DNAAF9: variants seen among roughly 807,000 people sequenced by gnomAD.
DNAAF9 encodes dynein axonemal assembly factor 9, also known as shulin.
A neutral mutation model predicts 167.0 loss-of-function variants in DNAAF9; 90 were observed. The ratio of observed to expected loss-of-function variants is 0.54; its 90% confidence interval spans 0.45 to 0.64. The LOEUF (loss-of-function observed/expected upper bound fraction) is 0.64. Ranked by LOEUF, DNAAF9 falls within the 30% of genes least tolerant of loss-of-function variation. The probability of loss-of-function intolerance (pLI) is 0.00; values close to 1 mark genes in which losing one functional copy is unlikely to be tolerated. For synonymous variants in DNAAF9, 491 were observed against 508.8 expected (o/e 0.96, Z 0.47); for missense variants, 1,315 against 1,442.2 (o/e 0.91, Z 1.43).
chr20:3,320,936 G>C (rs1245226231), intron 16 of DNAAF9, among the ~76,000 whole-genome samples: 1 of 152,190 alleles, frequency 6.6e-6, no homozygotes, highest in Non-Finnish European at 1.5e-5. Flanking sequence ...ATCTTGGCTA[G>C]ATATGTACTA....
chr20:3,270,941 T>C (rs939458673), intron 29 of DNAAF9, among the ~76,000 whole-genome samples: 7 of 151,756 alleles, frequency 4.6e-5, no homozygotes, highest in African/African-American at 1.7e-4. Context: ...GCCTCTTGAG[T>C]AGCAGGAATT....
chr20:3,312,907 GA>G (rs1386946715), intron 20 of DNAAF9, among the ~76,000 whole-genome samples: 2 of 152,108 alleles, frequency 1.3e-5, no homozygotes, highest in African/African-American at 4.8e-5. Context: ...CAGCAACAAA[GA>G]AAGTTTAAAA....
chr20:3,297,124 A>G (rs1249471764), intron 22 of DNAAF9, among the ~76,000 whole-genome samples, 175 bp from the exon 23 acceptor site: 1 of 152,182 alleles, frequency 6.6e-6, no homozygotes, highest in Non-Finnish European at 1.5e-5. Context: ...CTGTATTTTT[A>G]AAAACCAGAA....
intron 8 of DNAAF9, among the ~76,000 whole-genome samples, chr20:3,346,063 G>A (rs996525328): frequency 6.6e-6 from 1 of 152,070 alleles, no homozygotes; most frequent in South Asian, 2.1e-4. Context: ...AACATATGAG[G>A]GAATGTTCAA....
rs180981636 is a variant in DNAAF9, at chr20:3,399,822, C to T, written c.83+7653G>A. ...GGTTCCCTGATGACTCTAACAGGAC[C>T]GGCCTGCCTTCCTCCAACAGACATC... is the stretch of plus-strand genomic sequence containing the variant. On this transcript the variant is annotated intron_variant, in intron 1 of 36. Coordinates refer to ENST00000252032, the MANE Select transcript of DNAAF9 (RefSeq NM_001009984.3). Among the ~76,000 whole-genome samples, 10 of 152,310 alleles carry T rather than the reference C, an allele frequency of 6.6e-5. No homozygotes were observed. The East Asian group carries it at 1.3e-3, about 21-fold the overall frequency.
In DNAAF9 at chr20:3,298,051, A is replaced by G. The variant is rs201585204; in HGVS notation, c.1907T>C (p.Ile636Thr). Residue 636 changes from isoleucine to threonine, a missense_variant, in exon 22 of 37, where the codon ATA (isoleucine) becomes ACA (threonine). Around this residue, in one of 2 missense-constraint regions of DNAAF9, gnomAD observed 981 missense variants for 1,012.5 expected, o/e 0.97. Transcript: ENST00000252032. The stretch of plus-strand genomic sequence containing the variant: ...TACCTCTGAGTAAAATGCTTGGTAT[A>G]TCTTCGATTTGGGGAAAAGGGCAAT... ...LMIALFPKSK[I>T]YQAFYSEVFS... The G allele has an allele frequency of 7.3e-5, 117 of 1,613,386 alleles. No individual in the cohort carries two copies. The highest frequency in any genetic ancestry group is 5.5e-5 in the Non-Finnish European group (65 of 1,179,306).
In DNAAF9 at chr20:3,407,624, G is replaced by A; in HGVS notation, c.-67C>T. The A allele has an allele frequency of 1.0e-5, 12 of 1,191,676 alleles. No homozygotes were observed. The highest frequency in any genetic ancestry group is 8.3e-5 in the South Asian group (2 of 24,024). 73.8% of individuals were successfully genotyped at this position (1,191,676 alleles called of 1,614,324 possible). A position where few individuals can be genotyped will look rare whatever the true frequency, so the allele number is the denominator to read the frequency against. On this transcript the variant is annotated 5_prime_UTR_variant, in exon 1 of 37. Transcript: ENST00000252032. ...GAGGGTCTCAGTTGCCCGCAGGGCGGCTCCACGCTAGCTGCGGCCGGGCGG... is the reference window on the plus strand; with the variant it reads ...GAGGGTCTCAGTTGCCCGCAGGGCGACTCCACGCTAGCTGCGGCCGGGCGG...
In DNAAF9 at chr20:3,287,633, C is replaced by T. The variant is rs1398503159; in HGVS notation, c.2485G>A (p.Gly829Ser). ...TTCCAGGAGACTTCCAATGCTCACC[C>T]TTGTAACACCACCAGCAGTCTGGTC... The part of the protein sequence containing the change: ...KKTRLLVVLQ[G>S]YTDVIDVVQA... Residue 829 changes from glycine to serine, a missense_variant and splice_region_variant, in exon 27 of 37, where the codon GGC (glycine) becomes AGC (serine). Physicochemically the swap from Gly to Ser is moderately conservative, Grantham distance 56 (BLOSUM62 0). Around this residue, in one of 2 missense-constraint regions of DNAAF9, gnomAD observed 334 missense variants for 429.7 expected, o/e 0.78. Transcript: ENST00000252032. 1 of 1,614,084 alleles carries T rather than the reference C, an allele frequency of 6.2e-7. No homozygotes were observed. The highest frequency in any genetic ancestry group is 8.5e-7 in the Non-Finnish European group (1 of 1,180,020).
At chr20:3,258,047 G>A (rs1475626724) in intron 33 of DNAAF9, among the ~76,000 whole-genome samples, 1 of 90,978 alleles carries the variant, frequency 1.1e-5, no homozygotes, top group African/African-American at 5.5e-5. Context: ...TTTATTTTTT[G>A]TAGAGATGGG....
chr20:3,253,608 G>A (rs1187526487), intron 36 of DNAAF9, 118 bp downstream of exon 36: 4 of 697,016 alleles, frequency 5.7e-6, no homozygotes, highest in Non-Finnish European at 1.0e-5. Context: ...TGGACATGCA[G>A]AGTGCTCCTG....
intron 21 of DNAAF9, among the ~76,000 whole-genome samples, chr20:3,299,253 T>G (rs2069140657): frequency 6.6e-6 from 1 of 151,530 alleles, no homozygotes; most frequent in Admixed American, 6.6e-5. Flanking sequence ...GGGTATAAAG[T>G]AAGGGTCAAA....
chr20:3,264,712 G>C (rs982495438), intron 30 of DNAAF9, among the ~76,000 whole-genome samples, 188 bp from the exon 31 acceptor site: 1 of 152,118 alleles, frequency 6.6e-6, no homozygotes, highest in African/African-American at 2.4e-5. Context: ...GGGGACTACA[G>C]GCATGTGCCA....
chr20:3,381,362 T>C lies in DNAAF9; in HGVS notation c.283+17A>G, dbSNP rs2008730. 23,799 of 1,591,862 alleles carry C rather than the reference T, an allele frequency of 0.015. 1,399 individuals are homozygous for C. The East Asian group carries it at 0.16, about 11-fold the overall frequency. On this transcript the variant is annotated intron_variant, in intron 3 of 36. Coordinates refer to ENST00000252032, the MANE Select transcript of DNAAF9 (RefSeq NM_001009984.3). The stretch of plus-strand genomic sequence containing the variant: ...TCTTACTCTTCTATCACACAGAGTT[T>C]ACCAATATATACTTACCATCTAGTA...
chr20:3,356,160 G>A (rs572037359), intron 7 of DNAAF9, among the ~76,000 whole-genome samples: 2 of 152,232 alleles, frequency 1.3e-5, no homozygotes, highest in South Asian at 4.1e-4. Context: ...TGGGATTACA[G>A]GCATGTGCCA....
intron 17 of DNAAF9, among the ~76,000 whole-genome samples, chr20:3,317,215 T>A (rs972898716): frequency 6.6e-6 from 1 of 151,746 alleles, no homozygotes; most frequent in African/African-American, 2.4e-5. Context: ...TATGAAAAAT[T>A]AGCCAGGTGT....
In DNAAF9 at chr20:3,289,448, A is replaced by G. The variant is rs547418843; in HGVS notation, c.2327+681T>C. On this transcript the variant is annotated intron_variant, in intron 26 of 36. Coordinates refer to ENST00000252032, the MANE Select transcript of DNAAF9 (RefSeq NM_001009984.3). Reference sequence around the variant, plus strand: ...TGACAGAGAGAGACCCCATCTCTAAAAACAAAACAGAAAACTGAAACCCCA... The same window carrying G: ...TGACAGAGAGAGACCCCATCTCTAAGAACAAAACAGAAAACTGAAACCCCA... 2.0e-5 allele frequency among the ~76,000 whole-genome samples: 3 copies of G among 152,000 alleles called. No homozygotes were observed. In the South Asian group the frequency reaches 6.2e-4, roughly 32 times the overall value.
intron 21 of DNAAF9, among the ~76,000 whole-genome samples, chr20:3,303,905 T>A (rs2069239247): frequency 6.6e-6 from 1 of 152,186 alleles, no homozygotes; most frequent in Non-Finnish European, 1.5e-5. Context: ...ACAGTGGAAC[T>A]TTTATGGAGC....
At position 3,373,921 on chromosome 20, in the gene DNAAF9, C is replaced by A. The variant is rs1213883640; in HGVS notation, c.612+127G>T. 2.1e-5 allele frequency: 13 copies of A among 628,512 alleles called. No individual in the cohort carries two copies. The East Asian group carries it at 3.6e-4, about 17-fold the overall frequency. The allele number at this position is 628,512 out of a possible 1,614,324, so 38.9% of individuals were successfully genotyped here. A position where few individuals can be genotyped will look rare whatever the true frequency, so the allele number is the denominator to read the frequency against. On this transcript the variant is annotated intron_variant, in intron 6 of 36. Transcript: ENST00000252032. ...CTATTTTCCATTTCAAGTCTCCTAA[C>A]TTGCTCCATGCCCTTGTGAGGTAAC...
At chr20:3,379,305 C>T (rs918499954) in intron 3 of DNAAF9, among the ~76,000 whole-genome samples, 15 of 151,110 alleles carry the variant, frequency 9.9e-5, no homozygotes, top group African/African-American at 3.1e-4. Flanking sequence ...GGGATGAATA[C>T]GTAACCTATT....
Sources: allele counts gnomAD v4.1 joint callset (sites outside exome capture counted in the v4.1 genomes callset), GRCh38; gene constraint gnomAD v4.1.1; regional missense constraint gnomAD v4.1.1; transcripts MANE v1.5; gene names NCBI Gene and HGNC (gene_info 2026-07-23, HGNC 2026-07-21).